The following CTNND2 variants were observed in gnomAD, a reference collection of about 807,000 sequenced individuals.
CTNND2 encodes catenin delta 2, also known as catenin delta-2.
In CTNND2, 22 loss-of-function variants were observed where a neutral mutation model predicts 144.4. The observed-to-expected ratio is 0.15, with a 90% CI of 0.11 to 0.22. CTNND2 has a LOEUF of 0.22. Among genes scored for constraint, CTNND2 ranks in the 10% least tolerant of loss-of-function variants. CTNND2 has a pLI of 1.00. For missense variants in CTNND2, 1,353 were observed against 1,618.8 expected (o/e 0.84, Z 2.82); for synonymous variants, 751 against 695.6 (o/e 1.08, Z -1.25).
At chr5:11,720,325 G>A (rs1469019090) in intron 2 of CTNND2, among the ~76,000 whole-genome samples, 1 of 152,058 alleles carries the variant, frequency 6.6e-6, no homozygotes, top group African/African-American at 2.4e-5. Context: ...AAATATATGG[G>A]GGGCTACTTA....
intron 2 of CTNND2, among the ~76,000 whole-genome samples, chr5:11,679,953 A>G (rs1451775253): frequency 6.6e-6 from 1 of 152,234 alleles, no homozygotes; most frequent in Admixed American, 6.5e-5. Context: ...GCACAATCAC[A>G]GGAATTACAG....
chr5:11,005,425 T>C (rs1307019508), intron 18 of CTNND2, among the ~76,000 whole-genome samples: 1 of 152,060 alleles, frequency 6.6e-6, no homozygotes, highest in Non-Finnish European at 1.5e-5. Flanking sequence ...TAATGGAAAA[T>C]AGACTGAAGA....
At chr5:11,316,585 C>T (rs1190001744) in intron 9 of CTNND2, among the ~76,000 whole-genome samples, 1 of 151,434 alleles carries the variant, frequency 6.6e-6, no homozygotes, top group Non-Finnish European at 1.5e-5. Flanking sequence ...TGGTGTGCTG[C>T]ACCCATTAAC....
chr5:11,742,360 C>G (rs551204523), intron 1 of CTNND2, among the ~76,000 whole-genome samples: 1 of 152,136 alleles, frequency 6.6e-6, no homozygotes, highest in South Asian at 2.1e-4. Context: ...CAGCAACAGA[C>G]TTCAACTCCA....
At chr5:11,836,504 T>C (rs1183385689) in intron 1 of CTNND2, among the ~76,000 whole-genome samples, 1 of 151,312 alleles carries the variant, frequency 6.6e-6, no homozygotes, top group South Asian at 2.1e-4. Context: ...ATTTTTAAAA[T>C]TAGATAATAC....
At chr5:11,235,974 A>C (rs1254255995) in intron 10 of CTNND2, among the ~76,000 whole-genome samples, 3 of 152,224 alleles carry the variant, frequency 2.0e-5, no homozygotes, top group East Asian at 3.8e-4. Flanking sequence ...TTTTGAAAAA[A>C]ATGACTACTC....
chr5:11,337,100 T>G (rs560097200), intron 9 of CTNND2, among the ~76,000 whole-genome samples: 1 of 152,302 alleles, frequency 6.6e-6, no homozygotes, highest in South Asian at 2.1e-4. Flanking sequence ...TGATACCTTT[T>G]GAAGCACAGA....
At chr5:11,848,503 G>A (rs1295885420) in intron 1 of CTNND2, among the ~76,000 whole-genome samples, 1 of 152,138 alleles carries the variant, frequency 6.6e-6, no homozygotes, top group Non-Finnish European at 1.5e-5. Flanking sequence ...ACTGGTAATG[G>A]TGTAGATCTT....
At chr5:11,150,423 T>C (rs1757641426) in intron 12 of CTNND2, among the ~76,000 whole-genome samples, 1 of 152,116 alleles carries the variant, frequency 6.6e-6, no homozygotes. Context: ...TTACTTGAAA[T>C]AGTCTTGGTC....
chr5:11,708,904 G>A (rs973920317), intron 2 of CTNND2, among the ~76,000 whole-genome samples: 1 of 152,178 alleles, frequency 6.6e-6, no homozygotes, highest in Admixed American at 6.5e-5. Flanking sequence ...TATCATATAA[G>A]TAGAATCATA....
chr5:11,578,492 C>G (rs1043163009), intron 2 of CTNND2, among the ~76,000 whole-genome samples: 2 of 151,906 alleles, frequency 1.3e-5, no homozygotes, highest in African/African-American at 4.8e-5. Flanking sequence ...GAAACCCCGT[C>G]TCTACTAAAA....
intron 3 of CTNND2, among the ~76,000 whole-genome samples, chr5:11,512,315 T>C (rs1771730191): frequency 6.6e-6 from 1 of 152,232 alleles, no homozygotes. Flanking sequence ...GTCCTGCTTC[T>C]CTATAATCCG....
At chr5:11,049,299 G>C (rs973140803) in intron 16 of CTNND2, among the ~76,000 whole-genome samples, 2 of 152,104 alleles carry the variant, frequency 1.3e-5, no homozygotes, top group Non-Finnish European at 2.9e-5. Flanking sequence ...GTGATTAGAG[G>C]GGAGGACAAG....
intron 8 of CTNND2, among the ~76,000 whole-genome samples, chr5:11,347,338 G>A (rs899938586): frequency 6.6e-6 from 1 of 152,214 alleles, no homozygotes; most frequent in African/African-American, 2.4e-5. Flanking sequence ...ATAAGGAGCT[G>A]ACTTAGCTTT....
At chr5:11,752,077 T>C (rs1190698515) in intron 1 of CTNND2, among the ~76,000 whole-genome samples, 1 of 151,898 alleles carries the variant, frequency 6.6e-6, no homozygotes, top group Non-Finnish European at 1.5e-5. Flanking sequence ...CTTGCTACTT[T>C]AAGTTCCTTA....
chr5:11,451,489 A>G (rs984757739), intron 3 of CTNND2, among the ~76,000 whole-genome samples: 5 of 152,224 alleles, frequency 3.3e-5, no homozygotes, highest in African/African-American at 1.2e-4. Flanking sequence ...GAAATGCTCT[A>G]AAATTTGAAA....
rs149155836 is a variant in CTNND2, at chr5:11,652,013, G to A, written c.174+80123C>T. On this transcript the variant is annotated intron_variant, in intron 2 of 21. Coordinates refer to ENST00000304623, the MANE Select transcript of CTNND2 (RefSeq NM_001332.4). ...GGGGGACTGTTGAGAAGGGATGATT[G>A]TATTTTGCAATGTGAGAAGGACATG... Among the ~76,000 whole-genome samples, 17 of 152,262 alleles carry A rather than the reference G, an allele frequency of 1.1e-4. No homozygotes were observed. The East Asian group carries it at 2.5e-3, about 23-fold the overall frequency.
rs202182480 is a variant in CTNND2 at position 11,207,384 on chromosome 5, T to TA, written c.1762-7724dup. ...CACGTATCCCAGAACTTCAAGTATT[T>TA]AAAAAAAAAAAAAAAGAATACATTC... On this transcript the variant is annotated intron_variant, in intron 10 of 21. Transcript: ENST00000304623. Among the ~76,000 whole-genome samples the TA allele has an allele frequency of 2.9e-3, 402 of 139,944 alleles. 2 individuals are homozygous for TA. The highest frequency in any genetic ancestry group is 3.9e-3 in the African/African-American group (152 of 38,488). 91.8% of individuals were successfully genotyped at this position (139,944 alleles called of 152,430 possible). A position where few individuals can be genotyped will look rare whatever the true frequency, so the allele number is the denominator to read the frequency against.
At chr5:11,566,263 G>T (rs1007970287) in intron 2 of CTNND2, among the ~76,000 whole-genome samples, 17 of 152,186 alleles carry the variant, frequency 1.1e-4, no homozygotes, top group Admixed American at 7.2e-4. Context: ...TTAAGGTGCT[G>T]AAACTGAGGG....
Sources: allele counts gnomAD v4.1 joint callset (sites outside exome capture counted in the v4.1 genomes callset), GRCh38; gene constraint gnomAD v4.1.1; transcripts MANE v1.5; gene names NCBI Gene and HGNC (gene_info 2026-07-23, HGNC 2026-07-21).